The following OSBPL9 variants were observed in gnomAD, a reference collection of about 807,000 sequenced individuals.
OSBPL9 encodes the protein oxysterol-binding protein-related protein 9.
OSBPL9 carries 40 observed loss-of-function variants against 106.6 expected under a neutral mutation model. The observed-to-expected ratio is 0.38, with a 90% confidence interval of 0.29 to 0.49. The LOEUF (loss-of-function observed/expected upper bound fraction) is 0.49. Ranked by LOEUF, OSBPL9 falls within the 20% of genes least tolerant of loss-of-function variation. OSBPL9 has a pLI of 0.97. For missense variants in OSBPL9, 609 were observed against 887.2 expected, an observed-to-expected ratio of 0.69 and a Z score of 3.98; for synonymous variants, 269 against 295.4, an observed-to-expected ratio of 0.91 and a Z score of 0.92.
At chr1:51,660,774 T>A (rs1647093169) in intron 2 of OSBPL9, among the ~76,000 whole-genome samples, 1 of 152,206 alleles carries the variant, frequency 6.6e-6, no homozygotes. Context: ...CTGTCACTCC[T>A]CTCTAGACTG....
chr1:51,635,359 G>A (rs1409672746), intron 1 of OSBPL9, among the ~76,000 whole-genome samples: 2 of 151,984 alleles, frequency 1.3e-5, no homozygotes, highest in Non-Finnish European at 2.9e-5. Context: ...GATTAGATAA[G>A]GCAGATAAGG....
chr1:51,784,721 C>A, intron 20 of OSBPL9, 139 bp downstream of exon 20: 1 of 1,034,656 alleles, frequency 9.7e-7, no homozygotes, highest in Non-Finnish European at 1.4e-6. Flanking sequence ...TGTGTCATGT[C>A]TTTTGCTGAA....
At chr1:51,664,137 T>C (rs558607496) in intron 2 of OSBPL9, among the ~76,000 whole-genome samples, 8 of 152,308 alleles carry the variant, frequency 5.3e-5, no homozygotes, top group African/African-American at 1.2e-4. Flanking sequence ...TTGTATTTAA[T>C]ATAAATACAT....
rs757038967 is a variant in OSBPL9 at position 51,767,393 on chromosome 1, T to TAAAAA, written c.938+1424_938+1428dup. On this transcript the variant is annotated intron_variant, in intron 12 of 23. Transcript: ENST00000428468. ...GGGTGACAAGAGTGAGACTCTGTCT[T>TAAAAA]AAAAAAAAAAAAAAAAGAAGTAGAA... Among the ~76,000 whole-genome samples the TAAAAA allele has an allele frequency of 1.7e-4, 24 of 138,822 alleles. No homozygotes were observed. In the East Asian group the frequency reaches 2.7e-3, roughly 15 times the overall value. 91.1% of individuals were successfully genotyped at this position (138,822 alleles called of 152,430 possible). A position where few individuals can be genotyped will look rare whatever the true frequency, so the allele number is the denominator to read the frequency against.
chr1:51,595,329 C>G (rs79570671), intron 1 of OSBPL9, among the ~76,000 whole-genome samples: 6,004 of 152,262 alleles, frequency 0.039, 169 homozygotes, highest in Non-Finnish European at 0.062. Flanking sequence ...CGTCATCTCT[C>G]TGTCCCTCCA....
chr1:51,749,652 G>C, intron 7 of OSBPL9: 1 of 196,484 alleles, frequency 5.1e-6, no homozygotes. Context: ...GCTTGCTGTT[G>C]ATGTAAGAAT....
intron 3 of OSBPL9, among the ~76,000 whole-genome samples, chr1:51,711,576 T>TG (rs1557723533): frequency 8.8e-6 from 1 of 113,078 alleles, no homozygotes; most frequent in African/African-American, 3.7e-5. Flanking sequence ...ACTTCCCAGA[T>TG]GGGGTGGCTG....
the OSBPL9 span, among the ~76,000 whole-genome samples, chr1:51,538,167 C>T: frequency 6.6e-6 from 1 of 152,096 alleles, no homozygotes; most frequent in African/African-American, 2.4e-5. Flanking sequence ...TAGTGCATGC[C>T]TGTAATCCCA....
chr1:51,669,836 G>A, intron 3 of OSBPL9: 1 of 495,552 alleles, frequency 2.0e-6, no homozygotes, highest in Admixed American at 2.3e-5. Context: ...TCTTTATCAA[G>A]GAGTATGGTT....
chr1:51,535,804 C>T, the OSBPL9 span, among the ~76,000 whole-genome samples: 3 of 152,162 alleles, frequency 2.0e-5, no homozygotes, highest in East Asian at 3.9e-4. Context: ...TGTTAACCCC[C>T]CACCCCGCCG....
At chr1:51,752,852 A>G (rs1033447165) in intron 8 of OSBPL9, 5 of 213,252 alleles carry the variant, frequency 2.3e-5, no homozygotes, top group Non-Finnish European at 4.9e-5. Flanking sequence ...AACCTTAGTT[A>G]CTTCTGTAGA....
chr1:51,617,095 A>G lies in OSBPL9; in HGVS notation c.-16A>G. On this transcript the variant is annotated 5_prime_UTR_variant, in exon 1 of 24. Coordinates refer to ENST00000428468, the MANE Select transcript of OSBPL9 (RefSeq NM_024586.6). ...GAGTGACGTCAGGCCGTTTGTTGTC[A>G]TTGGCGGCTCCCAAGATGGCGTCCA... 6.3e-7 allele frequency: 1 copy of G among 1,592,496 alleles called. No individual in the cohort carries two copies. The highest frequency in any genetic ancestry group is 8.5e-7 in the Non-Finnish European group (1 of 1,169,702).
intron 1 of OSBPL9, among the ~76,000 whole-genome samples, chr1:51,590,321 T>TA (rs1259707112): frequency 0.02 from 2,858 of 143,652 alleles, 88 homozygotes; most frequent in African/African-American, 0.065. Context: ...ATACAGGAGG[T>TA]AAAAAAAAAA....
At chr1:51,556,376 C>T in the OSBPL9 span, among the ~76,000 whole-genome samples, 41 of 152,122 alleles carry the variant, frequency 2.7e-4, no homozygotes, top group African/African-American at 9.9e-4. Flanking sequence ...AAGTCTGTAG[C>T]ATGAGTAATC....
At chr1:51,617,251 G>T (rs1644097242) in intron 1 of OSBPL9, 30 bp downstream of exon 1, 1 of 1,567,944 alleles carries the variant, frequency 6.4e-7, no homozygotes, top group South Asian at 1.1e-5. Context: ...AGCTCCAGGC[G>T]CCTCGGGGCC....
chr1:51,705,677 A>C (rs904242897), intron 3 of OSBPL9, among the ~76,000 whole-genome samples: 8 of 151,882 alleles, frequency 5.3e-5, no homozygotes, highest in Non-Finnish European at 1.0e-4. Flanking sequence ...AGCCTCCCAA[A>C]GTGCTGGGAT....
intron 1 of OSBPL9, among the ~76,000 whole-genome samples, chr1:51,581,277 G>T (rs983887031): frequency 2.6e-5 from 4 of 151,916 alleles, no homozygotes; most frequent in Non-Finnish European, 4.4e-5. Context: ...TTAGATAGAG[G>T]TTATAGGTTT....
chr1:51,553,685 ATT>A, the OSBPL9 span, among the ~76,000 whole-genome samples: 561 of 147,756 alleles, frequency 3.8e-3, 4 homozygotes, highest in African/African-American at 0.013. Context: ...CTAAAAAAAA[ATT>A]TTTTTTTTTT....
At chr1:51,694,034 T>C (rs1233810328) in intron 3 of OSBPL9, among the ~76,000 whole-genome samples, 1 of 152,230 alleles carries the variant, frequency 6.6e-6, no homozygotes, top group East Asian at 1.9e-4. Context: ...AAGTAAGATA[T>C]CACATGTATT....
Sources: gnomAD v4.1 joint callset for allele counts (sites outside exome capture counted in the v4.1 genomes callset) on GRCh38, gnomAD v4.1.1 for gene constraint, MANE v1.5 for transcripts, NCBI Gene and HGNC (gene_info 2026-07-23, HGNC 2026-07-21) for gene names.